Variants in EYA1 observed in about 807,000 individuals in gnomAD.
EYA1 encodes EYA transcriptional coactivator and phosphatase 1, also known as protein phosphatase EYA1.
A neutral mutation model predicts 82.0 loss-of-function variants in EYA1; 16 were observed. That is an observed-to-expected ratio of 0.20 (90% CI 0.13 to 0.30). The LOEUF is 0.30. Ranked by LOEUF, EYA1 falls within the 10% of genes least tolerant of loss-of-function variation. EYA1 has a pLI of 1.00. For synonymous variants in EYA1, 261 were observed against 264.4 expected, an observed-to-expected ratio of 0.99 and a Z score of 0.12; for missense variants, 633 against 730.7, an observed-to-expected ratio of 0.87 and a Z score of 1.54.
At chr8:71,425,035 C>T (rs1037675767) in intron 2 of EYA1, among the ~76,000 whole-genome samples, 10 of 137,806 alleles carry the variant, frequency 7.3e-5, no homozygotes, top group Non-Finnish European at 4.5e-5. Context: ...CCGAGACGGG[C>T]GGATCACGAG....
chr8:71,401,108 G>A (rs932327443), intron 2 of EYA1, among the ~76,000 whole-genome samples: 1 of 152,150 alleles, frequency 6.6e-6, no homozygotes, highest in Non-Finnish European at 1.5e-5. Context: ...GACACAGGGA[G>A]GGGAACGAAC....
At chr8:71,325,707 T>A (rs1447577193) in intron 4 of EYA1, among the ~76,000 whole-genome samples, 1 of 152,212 alleles carries the variant, frequency 6.6e-6, no homozygotes. Context: ...CCCACAATGC[T>A]GTCTTATAAC....
chr8:71,288,546 C>T (rs533216196), intron 9 of EYA1, among the ~76,000 whole-genome samples: 5 of 152,182 alleles, frequency 3.3e-5, no homozygotes, highest in African/African-American at 1.2e-4. Flanking sequence ...ACAGTCGATG[C>T]TAAACGAAAA....
chr8:71,302,630 G>A (rs2129004591), intron 7 of EYA1, among the ~76,000 whole-genome samples: 1 of 125,264 alleles, frequency 8.0e-6, no homozygotes, highest in South Asian at 2.6e-4. Context: ...GTACATACTA[G>A]AGAATCAGGC....
intron 11 of EYA1, among the ~76,000 whole-genome samples, chr8:71,263,062 G>T (rs1815330175): frequency 6.6e-6 from 1 of 152,186 alleles, no homozygotes; most frequent in Non-Finnish European, 1.5e-5. Context: ...CTGCAAGGTG[G>T]GTTGAAAGTG....
At chr8:71,298,974 A>G in intron 9 of EYA1, 73 bp downstream of exon 9, 2 of 1,477,296 alleles carry the variant, frequency 1.4e-6, no homozygotes, top group East Asian at 4.5e-5. Flanking sequence ...CTGCATGAAT[A>G]TATGACTGTA....
At chr8:71,406,747 C>G (rs929584871) in intron 2 of EYA1, among the ~76,000 whole-genome samples, 13 of 151,020 alleles carry the variant, frequency 8.6e-5, no homozygotes, top group Admixed American at 2.0e-4. Context: ...TCGCTGATTG[C>G]TAGCACAGCA....
At chr8:71,493,669 T>C (rs909967182) in intron 2 of EYA1, among the ~76,000 whole-genome samples, 8 of 151,820 alleles carry the variant, frequency 5.3e-5, no homozygotes, top group African/African-American at 1.9e-4. Context: ...AATTTCATTA[T>C]ATATTATATA....
At chr8:71,235,337 C>G (rs947696311) in intron 12 of EYA1, among the ~76,000 whole-genome samples, 6 of 152,242 alleles carry the variant, frequency 3.9e-5, no homozygotes, top group Non-Finnish European at 7.3e-5. Context: ...CCCTGCCGCT[C>G]TTCCCTAGTT....
intron 1 of EYA1, among the ~76,000 whole-genome samples, chr8:71,537,881 GA>G (rs1209769255): frequency 6.6e-6 from 1 of 152,188 alleles, no homozygotes; most frequent in Non-Finnish European, 1.5e-5. Flanking sequence ...TGCTGAAGAT[GA>G]AACTATTCTG....
chr8:71,518,629 T>C (rs1034991124), intron 2 of EYA1, among the ~76,000 whole-genome samples: 14 of 152,064 alleles, frequency 9.2e-5, no homozygotes, highest in Non-Finnish European at 1.5e-5. Context: ...AGAAATAAAG[T>C]TTTACAACTT....
intron 2 of EYA1, among the ~76,000 whole-genome samples, chr8:71,462,440 G>T (rs1255837393): frequency 6.6e-6 from 1 of 152,190 alleles, no homozygotes; most frequent in Non-Finnish European, 1.5e-5. Flanking sequence ...CCCTGAGCCT[G>T]CAGGGGAATG....
intron 11 of EYA1, among the ~76,000 whole-genome samples, chr8:71,246,482 ACT>A (rs1197710316): frequency 6.6e-6 from 1 of 152,098 alleles, no homozygotes; most frequent in Non-Finnish European, 1.5e-5. Context: ...TTTTCTGAAC[ACT>A]CTAACTTTAT....
intron 1 of EYA1, among the ~76,000 whole-genome samples, chr8:71,537,638 C>T (rs1365489015): frequency 6.6e-6 from 1 of 152,208 alleles, no homozygotes; most frequent in Non-Finnish European, 1.5e-5. Flanking sequence ...TCATTCCTCA[C>T]AGAAGGGAGC....
chr8:71,207,866 A>ATAAT (rs1268456974), intron 17 of EYA1, among the ~76,000 whole-genome samples: 1 of 132,474 alleles, frequency 7.5e-6, no homozygotes, highest in African/African-American at 2.6e-5. Context: ...GATTTTCCAA[A>ATAAT]TAATTGTAAT....
intron 2 of EYA1, among the ~76,000 whole-genome samples, chr8:71,523,306 G>A (rs577087033): frequency 6.6e-6 from 1 of 151,464 alleles, no homozygotes; most frequent in South Asian, 2.1e-4. Context: ...AGCCTCCCGG[G>A]TAGCTGGGAC....
chr8:71,360,062 C>T (rs1339446611), intron 1 of EYA1, among the ~76,000 whole-genome samples: 3 of 152,106 alleles, frequency 2.0e-5, no homozygotes, highest in Non-Finnish European at 4.4e-5. Context: ...AGGGAGACGT[C>T]AATGTTTTTT....
At chr8:71,351,996 G>T (rs1364074008) in intron 3 of EYA1, among the ~76,000 whole-genome samples, 1 of 152,222 alleles carries the variant, frequency 6.6e-6, no homozygotes, top group East Asian at 1.9e-4. Context: ...TTTTCAATTG[G>T]GCTGCGGAGA....
chr8:71,493,520 A>T (rs1811170553), intron 2 of EYA1, among the ~76,000 whole-genome samples: 1 of 152,232 alleles, frequency 6.6e-6, no homozygotes, highest in Non-Finnish European at 1.5e-5. Flanking sequence ...TAAAAAGACC[A>T]GGGAGAATTA....
Sources: gnomAD v4.1 joint callset for allele counts (sites outside exome capture counted in the v4.1 genomes callset) on GRCh38, gnomAD v4.1.1 for gene constraint, MANE v1.5 for transcripts, NCBI Gene and HGNC (gene_info 2026-07-23, HGNC 2026-07-21) for gene names.